Variants in ODAD2 observed in about 807,000 individuals in gnomAD.
ODAD2 encodes outer dynein arm-docking complex subunit 2.
In ODAD2, 89 loss-of-function variants were observed where a neutral mutation model predicts 106.8. The observed-to-expected ratio is 0.83, with a 90% CI of 0.70 to 0.99. The LOEUF is 0.99. Among genes scored for constraint, ODAD2 ranks in the 50% least tolerant of loss-of-function variants. ODAD2 has a pLI of 0.00. For missense variants in ODAD2, 1,168 were observed against 1,238.5 expected (o/e 0.94, Z 0.85); for synonymous variants, 404 against 436.2 (o/e 0.93, Z 0.92).
At chr10:27,894,597 G>T (rs1842748916) in intron 17 of ODAD2, among the ~76,000 whole-genome samples, 1 of 151,954 alleles carries the variant, frequency 6.6e-6, no homozygotes, top group Admixed American at 6.6e-5. Context: ...TTTTTTTTGA[G>T]ACAGGGTCTT....
chr10:27,902,779 C>A lies in ODAD2; in HGVS notation c.2610+4884G>T, dbSNP rs184972566. On this transcript the variant is annotated intron_variant, in intron 17 of 19. Transcript: ENST00000305242. Reference sequence around the variant, plus strand: ...ATCAAATCACTGAATAGACCAATAACAAGTTCTGAAATTGAGGCAGTAATT... The same window carrying A: ...ATCAAATCACTGAATAGACCAATAAAAAGTTCTGAAATTGAGGCAGTAATT... 1.6e-3 allele frequency among the ~76,000 whole-genome samples: 238 copies of A among 152,178 alleles called. 2 individuals are homozygous for A. The highest frequency in any genetic ancestry group is 5.4e-3 in the African/African-American group (225 of 41,534).
chr10:27,872,985 C>T (rs189796765), intron 17 of ODAD2, among the ~76,000 whole-genome samples: 2 of 152,212 alleles, frequency 1.3e-5, no homozygotes, highest in East Asian at 3.9e-4. Context: ...CCCTCTGATC[C>T]TGGACTTATT....
chr10:27,991,402 A>C (rs1324104816), intron 2 of ODAD2, among the ~76,000 whole-genome samples: 2 of 152,214 alleles, frequency 1.3e-5, no homozygotes, highest in African/African-American at 2.4e-5. Context: ...ATCTGCACAA[A>C]AGGACAGAAG....
At chr10:27,889,989 C>G (rs1188536474) in intron 17 of ODAD2, among the ~76,000 whole-genome samples, 2 of 152,122 alleles carry the variant, frequency 1.3e-5, no homozygotes, top group Non-Finnish European at 2.9e-5. Context: ...ATTTGAAATG[C>G]AGTGAGTGCT....
intron 6 of ODAD2, 139 bp from the exon 7 acceptor site, chr10:27,981,721 T>C: frequency 4.9e-6 from 3 of 608,364 alleles, no homozygotes; most frequent in Non-Finnish European, 8.4e-6. Context: ...AGGAAATGTA[T>C]AGGCAAAATC....
chr10:27,894,344 C>T (rs1842734902), intron 17 of ODAD2, among the ~76,000 whole-genome samples: 1 of 151,646 alleles, frequency 6.6e-6, no homozygotes, highest in African/African-American at 2.4e-5. Context: ...ACATAACCTC[C>T]ACGGATATAC....
At chr10:27,824,543 T>C (rs1315546383) in intron 19 of ODAD2, among the ~76,000 whole-genome samples, 1 of 152,162 alleles carries the variant, frequency 6.6e-6, no homozygotes, top group Non-Finnish European at 1.5e-5. Flanking sequence ...AAATAATTTT[T>C]TTTCCTCATA....
Position 27,981,339 on chromosome 10 carries a change from T to TA in ODAD2, c.936+126dup, listed in dbSNP as rs199591693. On this transcript the variant is annotated intron_variant, in intron 7 of 19. Coordinates refer to ENST00000305242, the MANE Select transcript of ODAD2 (RefSeq NM_018076.5). ...AGTATTTTTATGTTATGTTATGTTG[T>TA]AAAAAAAAACCACTAATAATAAAAA... 14,498 of 775,060 alleles carry TA rather than the reference T, an allele frequency of 0.019. 122 individuals are homozygous for TA. The highest frequency in any genetic ancestry group is 0.035 in the Middle Eastern group (85 of 2,456). The allele number at this position is 775,060 out of a possible 1,614,324, so 48.0% of individuals were successfully genotyped here. A position where few individuals can be genotyped will look rare whatever the true frequency, so the allele number is the denominator to read the frequency against.
intron 19 of ODAD2, among the ~76,000 whole-genome samples, chr10:27,853,061 A>C (rs1415417362): frequency 6.6e-6 from 1 of 151,758 alleles, no homozygotes; most frequent in Non-Finnish European, 1.5e-5. Context: ...AGGTTGTATA[A>C]AAGACTGAAT....
intron 19 of ODAD2, among the ~76,000 whole-genome samples, chr10:27,840,722 A>C (rs1258647828): frequency 2.0e-5 from 3 of 152,206 alleles, no homozygotes; most frequent in Non-Finnish European, 2.9e-5. Flanking sequence ...AAATAAGAAA[A>C]GTGGAGAGAT....
chr10:27,941,252 G>A (rs1426273397), intron 12 of ODAD2, among the ~76,000 whole-genome samples: 1 of 151,858 alleles, frequency 6.6e-6, no homozygotes, highest in Non-Finnish European at 1.5e-5. Flanking sequence ...AGGAGCTCGA[G>A]GTGGGAGGAT....
Position 27,944,850 on chromosome 10 carries a change from A to T in ODAD2, c.1499T>A (p.Ile500Lys). 6.2e-7 allele frequency: 1 copy of T among 1,614,142 alleles called. No homozygotes were observed. Among genetic ancestry groups the T allele is most frequent in the Non-Finnish European group, 8.5e-7 (1 of 1,180,006 alleles). Residue 500 changes from isoleucine to lysine, a missense_variant, in exon 11 of 20, where the codon ATA (isoleucine) becomes AAA (lysine). Ile to Lys is a moderately radical substitution (Grantham distance 102). Coordinates refer to ENST00000305242, the MANE Select transcript of ODAD2 (RefSeq NM_018076.5). ...GACTTCATCGGTTTCAAGCAAATTT[A>T]TCAGCACTTCCAGGCCTCCAACATC... ...IRDVGGLEVL[I>K]NLLETDEVKC...
In ODAD2 at chr10:27,959,003, C is replaced by T. The variant is rs758058871; in HGVS notation, c.1386+2565G>A. On this transcript the variant is annotated intron_variant, in intron 10 of 19. Transcript: ENST00000305242. ...GAAATAAAGATAATGGACCGGGACT[C>T]TTGGGAAAAACTCAGGACTCTCTTA... 3.1e-6 allele frequency: 4 copies of T among 1,303,084 alleles called. No individual in the cohort carries two copies. In the South Asian group the frequency reaches 4.9e-5, roughly 16 times the overall value. The allele number at this position is 1,303,084 out of a possible 1,614,324, so 80.7% of individuals were successfully genotyped here.
chr10:27,977,987 C>A (rs2133063679), intron 7 of ODAD2, among the ~76,000 whole-genome samples: 1 of 152,334 alleles, frequency 6.6e-6, no homozygotes, highest in East Asian at 1.9e-4. Context: ...AAACATACAA[C>A]TACCATATGA....
At chr10:27,845,685 T>C (rs1838686197) in intron 19 of ODAD2, among the ~76,000 whole-genome samples, 1 of 152,176 alleles carries the variant, frequency 6.6e-6, no homozygotes, top group Non-Finnish European at 1.5e-5. Context: ...CCATCTCATG[T>C]GCAGAGACAC....
intron 16 of ODAD2, among the ~76,000 whole-genome samples, chr10:27,909,873 T>C: frequency 7.1e-6 from 1 of 141,782 alleles, no homozygotes; most frequent in African/African-American, 2.6e-5. Flanking sequence ...GATAACTTCC[T>C]ATGACAAGAA....
chr10:27,815,467 C>A (rs1470128245), intron 19 of ODAD2, among the ~76,000 whole-genome samples: 1 of 152,182 alleles, frequency 6.6e-6, no homozygotes, highest in African/African-American at 2.4e-5. Flanking sequence ...GCCTTCAGCT[C>A]TCCTCTGAAA....
chr10:27,812,852 C>T (rs1013973913), intron 19 of ODAD2, among the ~76,000 whole-genome samples: 1 of 152,162 alleles, frequency 6.6e-6, no homozygotes, highest in Non-Finnish European at 1.5e-5. Flanking sequence ...CTCCTTCCTC[C>T]CCACTTTCTC....
At chr10:27,959,280 GAAGGAAGA>G (rs1847953672) in intron 10 of ODAD2, among the ~76,000 whole-genome samples, 1 of 149,378 alleles carries the variant, frequency 6.7e-6, no homozygotes, top group African/African-American at 2.5e-5. Context: ...AAAGGAAAGG[GAAGGAAGA>G]AAGGAAGGCA....
Sources: allele counts gnomAD v4.1 joint callset (sites outside exome capture counted in the v4.1 genomes callset), GRCh38; gene constraint gnomAD v4.1.1; transcripts MANE v1.5; gene names NCBI Gene and HGNC (gene_info 2026-07-23, HGNC 2026-07-21).